The following CHL1 variants were observed in gnomAD, a reference collection of about 807,000 sequenced individuals.
The protein encoded by CHL1 is neural cell adhesion molecule L1-like protein.
A neutral mutation model predicts 141.9 loss-of-function variants in CHL1; 96 were observed. The observed-to-expected ratio is 0.68, with a 90% CI of 0.57 to 0.80. CHL1 has a LOEUF of 0.80. Ranked by LOEUF, CHL1 falls within the 30% of genes least tolerant of loss-of-function variation. The pLI is 0.00. For missense variants in CHL1, 1,820 were observed against 1,457.2 expected (o/e 1.25, Z -4.05); for synonymous variants, 613 against 502.2 (o/e 1.22, Z -2.95).
chr3:315,368 A>T (rs1288952086), intron 2 of CHL1, among the ~76,000 whole-genome samples: 1 of 152,174 alleles, frequency 6.6e-6, no homozygotes, highest in Non-Finnish European at 1.5e-5. Context: ...TCATGTGACC[A>T]GTCAGGAGGC....
Position 323,448 on chromosome 3 carries a change from T to C in CHL1, c.92-2511T>C, listed in dbSNP as rs1294197904. On this transcript the variant is annotated intron_variant, in intron 3 of 27. Transcript: ENST00000256509. ...TTTTTTCCAAATGAAAGCTCCATGATGTTACAAAATCATTTGTAGATTAAA... is the reference window on the plus strand; with the variant it reads ...TTTTTTCCAAATGAAAGCTCCATGACGTTACAAAATCATTTGTAGATTAAA... Among the ~76,000 whole-genome samples, 4 of 152,096 alleles carry C rather than the reference T, an allele frequency of 2.6e-5. No individual in the cohort carries two copies. The East Asian group carries it at 5.8e-4, about 22-fold the overall frequency.
chr3:343,694 T>C (rs926221525), intron 8 of CHL1, among the ~76,000 whole-genome samples: 5 of 152,186 alleles, frequency 3.3e-5, no homozygotes, highest in Admixed American at 1.3e-4. Flanking sequence ...AGTGATAACT[T>C]AGATACCTTG....
intron 5 of CHL1, among the ~76,000 whole-genome samples, chr3:332,140 A>G (rs923013248): frequency 2.6e-5 from 4 of 152,186 alleles, no homozygotes; most frequent in African/African-American, 9.7e-5. Flanking sequence ...GTTTATATTT[A>G]AAAATATGCT....
chr3:360,384 C>T lies in CHL1; in HGVS notation c.1266C>T (p.Val422=). ...TAVYQCEASN[V]HGTILANANI... is the part of the protein sequence containing the mutation. ...TGTACCAGTGTGAAGCCTCAAATGT[C>T]CATGGAACTATCCTTGCCAATGCCA... The change falls in exon 12 of 28, where the codon GTC becomes GTT. Residue 422 remains valine (V), a synonymous_variant. Coordinates refer to ENST00000256509, the MANE Select transcript of CHL1 (RefSeq NM_006614.4). 13 of 1,613,832 alleles carry T rather than the reference C, an allele frequency of 8.1e-6. No homozygotes were observed. The highest frequency in any genetic ancestry group is 1.1e-5 in the Non-Finnish European group (13 of 1,179,834).
intron 2 of CHL1, among the ~76,000 whole-genome samples, chr3:311,995 G>A (rs577997434): frequency 9.9e-5 from 15 of 152,050 alleles, no homozygotes; most frequent in Non-Finnish European, 2.1e-4. Flanking sequence ...TGTCATTACA[G>A]TATACTATTT....
intron 1 of CHL1, among the ~76,000 whole-genome samples, chr3:204,893 A>G (rs1250408374): frequency 6.6e-6 from 1 of 152,206 alleles, no homozygotes; most frequent in Non-Finnish European, 1.5e-5. Context: ...TTACAATAAC[A>G]TAGTGAACAA....
intron 2 of CHL1, among the ~76,000 whole-genome samples, chr3:302,392 A>G (rs1698835295): frequency 6.6e-6 from 1 of 152,138 alleles, no homozygotes; most frequent in South Asian, 2.1e-4. Flanking sequence ...TTTTTCCACA[A>G]ACTCTCCAGC....
chr3:241,880 GA>G (rs1356858937), intron 1 of CHL1, among the ~76,000 whole-genome samples: 9 of 147,172 alleles, frequency 6.1e-5, no homozygotes, highest in Admixed American at 1.4e-4. Context: ...GAATAAGTAA[GA>G]CGTTAGTATC....
At chr3:201,183 G>T (rs947808767) in intron 1 of CHL1, among the ~76,000 whole-genome samples, 1 of 152,178 alleles carries the variant, frequency 6.6e-6, no homozygotes, top group Non-Finnish European at 1.5e-5. Context: ...AGCTGTGGTT[G>T]CTTGGCAACC....
At chr3:338,396 A>G (rs1464707066) in intron 5 of CHL1, among the ~76,000 whole-genome samples, 2 of 152,252 alleles carry the variant, frequency 1.3e-5, no homozygotes, top group Non-Finnish European at 2.9e-5. Context: ...GTTTGTCACC[A>G]GATAAACACA....
At chr3:394,923 A>T (rs775164714) in intron 24 of CHL1, 51 bp downstream of exon 24, 7 of 1,433,304 alleles carry the variant, frequency 4.9e-6, no homozygotes, top group Admixed American at 2.3e-5. Flanking sequence ...AAGAGACTGC[A>T]TCTTTTTAAA....
At position 331,209 on chromosome 3, in the gene CHL1, T is replaced by TTTTG. The variant is rs10570525; in HGVS notation, c.385+2883_385+2886dup. ...CCTTTCTTTTCTTCCTTTCTGGCTT[T>TTTTG]TTTGTTTGTTTGTTTGTTTGTTTGT... On this transcript the variant is annotated intron_variant, in intron 5 of 27. Transcript: ENST00000256509. Among the ~76,000 whole-genome samples, 509 of 150,556 alleles carry TTTTG rather than the reference T, an allele frequency of 3.4e-3. 6 individuals carry two copies. The highest frequency in any genetic ancestry group is 0.01 in the African/African-American group (411 of 40,948).
At chr3:208,303 C>T (rs1001567418) in intron 1 of CHL1, among the ~76,000 whole-genome samples, 2 of 147,846 alleles carry the variant, frequency 1.4e-5, no homozygotes, top group Admixed American at 1.3e-4. Context: ...AAACCCATTA[C>T]TGTATTTAAC....
chr3:207,717 C>T (rs1179006294), intron 1 of CHL1, among the ~76,000 whole-genome samples: 1 of 152,184 alleles, frequency 6.6e-6, no homozygotes, highest in African/African-American at 2.4e-5. Context: ...ATAGCCAAAA[C>T]AAGCCTGTTT....
chr3:221,143 T>C (rs1700802949), intron 1 of CHL1, among the ~76,000 whole-genome samples: 1 of 152,192 alleles, frequency 6.6e-6, no homozygotes. Flanking sequence ...AATGTACATG[T>C]TTCATGCATT....
In CHL1 at chr3:328,369, G is replaced by T; in HGVS notation, c.385+15G>T. ...TATAGTTCCAAGTAAGTACTATAAC[G>T]GGAATTTCATTTTACAAGTGTTTTA... On this transcript the variant is annotated intron_variant, in intron 5 of 27. Transcript: ENST00000256509. 1 of 1,582,352 alleles carries T rather than the reference G, an allele frequency of 6.3e-7. No homozygotes were observed. The highest frequency in any genetic ancestry group is 8.6e-7 in the Non-Finnish European group (1 of 1,160,650).
chr3:276,035 G>T (rs552530869), intron 2 of CHL1, among the ~76,000 whole-genome samples: 1 of 151,946 alleles, frequency 6.6e-6, no homozygotes, highest in South Asian at 2.1e-4. Context: ...ATAATTAGAA[G>T]AGTTGGGGTT....
intron 2 of CHL1, among the ~76,000 whole-genome samples, chr3:259,266 G>A (rs393254): frequency 0.38 from 57,032 of 151,796 alleles, 11,005 homozygotes; most frequent in South Asian, 0.61. Context: ...TAGTGTGTGT[G>A]TGCACACGTG....
chr3:262,922 T>C (rs147256942), intron 2 of CHL1, among the ~76,000 whole-genome samples: 6 of 152,324 alleles, frequency 3.9e-5, no homozygotes, highest in African/African-American at 1.4e-4. Context: ...CTTCCTCCCA[T>C]TCAACTATCA....
Sources: gnomAD v4.1 joint callset for allele counts (sites outside exome capture counted in the v4.1 genomes callset) on GRCh38, gnomAD v4.1.1 for gene constraint, MANE v1.5 for transcripts, NCBI Gene and HGNC (gene_info 2026-07-23, HGNC 2026-07-21) for gene names.